CADM1: variants seen among roughly 807,000 people sequenced by gnomAD.
CADM1 encodes TSLC-1.
Under a neutral mutation model 53.1 loss-of-function variants are expected in CADM1, and 15 were observed. That is an observed-to-expected ratio of 0.28 (90% CI 0.19 to 0.44). CADM1 has a LOEUF of 0.44. Ranked by LOEUF, CADM1 falls within the 20% of genes least tolerant of loss-of-function variation. The probability of loss-of-function intolerance (pLI) is 1.00; values close to 1 mark genes in which losing one functional copy is unlikely to be tolerated. For missense variants in CADM1, 434 were observed against 611.3 expected, an observed-to-expected ratio of 0.71 and a Z score of 3.06; for synonymous variants, 281 against 243.0, an observed-to-expected ratio of 1.16 and a Z score of -1.45.
chr11:115,448,828 T>C (rs995747837), intron 1 of CADM1, among the ~76,000 whole-genome samples: 2 of 152,204 alleles, frequency 1.3e-5, no homozygotes, highest in African/African-American at 4.8e-5. Flanking sequence ...CATGTATTAT[T>C]GGCACATATT....
intron 1 of CADM1, among the ~76,000 whole-genome samples, chr11:115,452,431 G>A (rs1350956930): frequency 6.6e-6 from 1 of 152,208 alleles, no homozygotes; most frequent in Non-Finnish European, 1.5e-5. Context: ...CAGATCAGAA[G>A]CGTTTTAATG....
intron 1 of CADM1, among the ~76,000 whole-genome samples, chr11:115,495,563 T>C (rs1282645186): frequency 6.6e-6 from 1 of 152,196 alleles, no homozygotes; most frequent in Non-Finnish European, 1.5e-5. Flanking sequence ...TTTCATTTTT[T>C]TGTTTCTTGA....
At chr11:115,181,598 G>A (rs577922275) in intron 10 of CADM1, among the ~76,000 whole-genome samples, 4 of 152,110 alleles carry the variant, frequency 2.6e-5, no homozygotes, top group African/African-American at 4.8e-5. Flanking sequence ...TGCCGGTTAC[G>A]AGCGCCTCAC....
At chr11:115,501,962 C>A (rs1007813896) in intron 1 of CADM1, among the ~76,000 whole-genome samples, 4 of 152,190 alleles carry the variant, frequency 2.6e-5, no homozygotes, top group Non-Finnish European at 5.9e-5. Context: ...CTCCTCACTA[C>A]AAATCATACC....
intron 1 of CADM1, among the ~76,000 whole-genome samples, chr11:115,325,880 A>G (rs1320998412): frequency 6.6e-6 from 1 of 152,158 alleles, no homozygotes; most frequent in Non-Finnish European, 1.5e-5. Flanking sequence ...TGGACCTTAA[A>G]ACAAGATTTG....
chr11:115,422,014 A>G (rs909990822), intron 1 of CADM1, among the ~76,000 whole-genome samples: 1 of 152,212 alleles, frequency 6.6e-6, no homozygotes, highest in Admixed American at 6.5e-5. Context: ...TGAATCTAGC[A>G]ATTAACTTTA....
intron 1 of CADM1, among the ~76,000 whole-genome samples, chr11:115,370,768 T>C (rs1946287782): frequency 2.0e-5 from 3 of 152,208 alleles, no homozygotes; most frequent in Admixed American, 6.5e-5. Context: ...CTGGATTTTA[T>C]AGTTATCCAC....
chr11:115,439,068 C>T (rs748826197), intron 1 of CADM1, among the ~76,000 whole-genome samples: 7 of 152,208 alleles, frequency 4.6e-5, no homozygotes, highest in African/African-American at 1.4e-4. Context: ...CTGCCACGCA[C>T]AGCAGCTACA....
At chr11:115,421,157 G>T (rs572529808) in intron 1 of CADM1, among the ~76,000 whole-genome samples, 8 of 152,246 alleles carry the variant, frequency 5.3e-5, no homozygotes, top group African/African-American at 1.9e-4. Flanking sequence ...TCAGAACAAA[G>T]GGTTTGAAGA....
At chr11:115,288,860 T>C (rs1002700451) in intron 1 of CADM1, among the ~76,000 whole-genome samples, 4 of 152,178 alleles carry the variant, frequency 2.6e-5, no homozygotes, top group African/African-American at 9.7e-5. Context: ...ACCTTCCTCT[T>C]TAACCTTCCC....
Position 115,340,626 on chromosome 11 carries a change from T to TTATATACATA in CADM1, c.125-100207_125-100206insTATGTATATA, listed in dbSNP as rs1555069218. Among the ~76,000 whole-genome samples, 36 of 48,252 alleles carry TTATATACATA rather than the reference T, an allele frequency of 7.5e-4. 2 individuals are homozygous for TTATATACATA. Among genetic ancestry groups the TTATATACATA allele is most frequent in the African/African-American group, 3.3e-3 (35 of 10,488 alleles). 31.7% of individuals were successfully genotyped at this position (48,252 alleles called of 152,430 possible). On this transcript the variant is annotated intron_variant, in intron 1 of 11. Coordinates refer to ENST00000331581, the MANE Select transcript of CADM1 (RefSeq NM_001301043.2). ...GTGGAGTCACACAACATAATAAATA[T>TTATATACATA]TATATATATATATATATATATATAT... is the stretch of plus-strand genomic sequence containing the variant.
chr11:115,476,796 A>T (rs1949142249), intron 1 of CADM1, among the ~76,000 whole-genome samples: 1 of 152,194 alleles, frequency 6.6e-6, no homozygotes, highest in Non-Finnish European at 1.5e-5. Flanking sequence ...TAACTTTGTC[A>T]TCCTACTATG....
chr11:115,356,692 C>A (rs746933614), intron 1 of CADM1, among the ~76,000 whole-genome samples: 5 of 152,102 alleles, frequency 3.3e-5, no homozygotes, highest in Admixed American at 6.6e-5. Flanking sequence ...CCCAATGTGA[C>A]CTCTACCTAA....
intron 1 of CADM1, among the ~76,000 whole-genome samples, chr11:115,349,898 T>C (rs534738812): frequency 9.8e-4 from 149 of 152,270 alleles, no homozygotes; most frequent in Non-Finnish European, 1.6e-3. Flanking sequence ...AAGGCCAAAG[T>C]CATGGCTTTA....
intron 1 of CADM1, among the ~76,000 whole-genome samples, chr11:115,482,933 G>A (rs1251937041): frequency 6.6e-6 from 1 of 152,122 alleles, no homozygotes; most frequent in African/African-American, 2.4e-5. Context: ...TCTCAGTTTT[G>A]TTAGTTATTA....
chr11:115,193,944 A>G (rs909303200), intron 9 of CADM1: 2 of 152,204 alleles, frequency 1.3e-5, no homozygotes, highest in Non-Finnish European at 1.5e-5. Context: ...AAACTCAGTC[A>G]TCCTGTTCTT....
chr11:115,450,570 G>A (rs1169730036), intron 1 of CADM1, among the ~76,000 whole-genome samples: 4 of 152,162 alleles, frequency 2.6e-5, no homozygotes, highest in Non-Finnish European at 5.9e-5. Context: ...TAGATAGCCA[G>A]CTCCATAACT....
At chr11:115,301,539 T>G (rs1256148706) in intron 1 of CADM1, among the ~76,000 whole-genome samples, 4 of 152,128 alleles carry the variant, frequency 2.6e-5, no homozygotes, top group African/African-American at 9.7e-5. Context: ...ATCTACAAGG[T>G]GCAACATCAC....
chr11:115,218,365 TATATC>T (rs1941273616), intron 5 of CADM1, among the ~76,000 whole-genome samples: 1 of 152,208 alleles, frequency 6.6e-6, no homozygotes, highest in Admixed American at 6.6e-5. Context: ...CATTTTATCA[TATATC>T]ATATATTACT....
Sources: gnomAD v4.1 joint callset for allele counts (sites outside exome capture counted in the v4.1 genomes callset) on GRCh38, gnomAD v4.1.1 for gene constraint, MANE v1.5 for transcripts, NCBI Gene and HGNC (gene_info 2026-07-23, HGNC 2026-07-21) for gene names.